The following AUTS2 variants were observed in gnomAD, a reference collection of about 807,000 sequenced individuals.
The protein encoded by AUTS2 is autism susceptibility gene 2 protein.
Under a neutral mutation model 112.4 loss-of-function variants are expected in AUTS2, and 17 were observed. The observed-to-expected ratio is 0.15, with a 90% CI of 0.10 to 0.23. The LOEUF (loss-of-function observed/expected upper bound fraction) is 0.23. Among genes scored for constraint, AUTS2 ranks in the 10% least tolerant of loss-of-function variants. The probability of loss-of-function intolerance (pLI) is 1.00; values close to 1 mark genes in which losing one functional copy is unlikely to be tolerated. For missense variants in AUTS2, 1,510 were observed against 1,701.6 expected (o/e 0.89, Z 1.98); for synonymous variants, 751 against 702.7 (o/e 1.07, Z -1.09).
chr7:70,094,248 T>C (rs1217434837), intron 2 of AUTS2, among the ~76,000 whole-genome samples: 1 of 152,232 alleles, frequency 6.6e-6, no homozygotes, highest in African/African-American at 2.4e-5. Context: ...TATTTGTGTA[T>C]GCGCCCTGCA....
intron 4 of AUTS2, among the ~76,000 whole-genome samples, chr7:70,268,985 AG>A (rs1464832060): frequency 2.0e-5 from 3 of 152,228 alleles, no homozygotes; most frequent in African/African-American, 7.2e-5. Flanking sequence ...TGAAAATGTT[AG>A]AATGAAAACC....
intron 4 of AUTS2, among the ~76,000 whole-genome samples, chr7:70,355,465 C>G (rs1791964450): frequency 6.6e-6 from 1 of 152,114 alleles, no homozygotes; most frequent in Admixed American, 6.5e-5. Flanking sequence ...CAAATGTCTT[C>G]CAGAGAGTGC....
intron 2 of AUTS2, among the ~76,000 whole-genome samples, chr7:70,103,241 A>G (rs1226384095): frequency 6.6e-6 from 1 of 152,110 alleles, no homozygotes; most frequent in African/African-American, 2.4e-5. Flanking sequence ...AATAATGCAC[A>G]CTCCAGAATA....
At chr7:69,617,622 T>C (rs2129086999) in intron 1 of AUTS2, among the ~76,000 whole-genome samples, 1 of 152,262 alleles carries the variant, frequency 6.6e-6, no homozygotes, top group South Asian at 2.1e-4. Flanking sequence ...TCCAAAGCCC[T>C]CATTTCCCAA....
chr7:69,860,232 A>G (rs1562933282), intron 1 of AUTS2, among the ~76,000 whole-genome samples: 1 of 151,880 alleles, frequency 6.6e-6, no homozygotes, highest in Non-Finnish European at 1.5e-5. Context: ...CCAAGGAGAG[A>G]CAGCTAGTGA....
In AUTS2 at chr7:70,710,767, A is replaced by G. The variant is rs146027289; in HGVS notation, c.742+12147A>G. Among the ~76,000 whole-genome samples, 16 of 152,314 alleles carry G rather than the reference A, an allele frequency of 1.1e-4. No individual in the cohort carries two copies. In the East Asian group the frequency reaches 3.1e-3, roughly 29 times the overall value. On this transcript the variant is annotated intron_variant, in intron 6 of 18. Transcript: ENST00000342771. ...CTCACTTTCTGAGATTGAGAACTGGAGAAAGGAGGAACGTCACAGACAAGA... is the reference window on the plus strand; with the variant it reads ...CTCACTTTCTGAGATTGAGAACTGGGGAAAGGAGGAACGTCACAGACAAGA...
intron 6 of AUTS2, among the ~76,000 whole-genome samples, chr7:70,751,783 C>T (rs532477052): frequency 1.9e-4 from 29 of 152,166 alleles, no homozygotes; most frequent in Non-Finnish European, 3.4e-4. Flanking sequence ...TGCAGTGGGA[C>T]GATCTCGGCT....
chr7:69,939,684 G>C lies in AUTS2; in HGVS notation c.522+40186G>C, dbSNP rs544827440. Among the ~76,000 whole-genome samples the C allele has an allele frequency of 7.2e-5, 11 of 152,322 alleles. No homozygotes were observed. In the East Asian group the frequency reaches 2.1e-3, roughly 29 times the overall value. On this transcript the variant is annotated intron_variant, in intron 2 of 18. Coordinates refer to ENST00000342771, the MANE Select transcript of AUTS2 (RefSeq NM_015570.4). The stretch of plus-strand genomic sequence containing the variant: ...CCTTTCACTCAATGGAGAGAGAAGA[G>C]AAACTTGTATAATCGTGGTTCCTAC...
At chr7:70,550,225 C>A (rs887340407) in intron 5 of AUTS2, among the ~76,000 whole-genome samples, 1 of 152,158 alleles carries the variant, frequency 6.6e-6, no homozygotes, top group Admixed American at 6.5e-5. Context: ...ATTGGCTGAG[C>A]AAGCCAAGAC....
At chr7:70,491,653 T>C (rs1435897126) in intron 5 of AUTS2, among the ~76,000 whole-genome samples, 1 of 149,016 alleles carries the variant, frequency 6.7e-6, no homozygotes, top group Non-Finnish European at 1.5e-5. Context: ...CTCACTCTGT[T>C]GTCCAGGCTA....
intron 5 of AUTS2, among the ~76,000 whole-genome samples, chr7:70,488,924 C>G (rs17568303): frequency 0.11 from 17,245 of 152,172 alleles, 1,368 homozygotes; most frequent in Non-Finnish European, 0.15. Flanking sequence ...ATCACATTCC[C>G]TAGTACACAG....
intron 5 of AUTS2, among the ~76,000 whole-genome samples, chr7:70,635,791 G>C (rs1239895215): frequency 6.6e-6 from 1 of 152,220 alleles, no homozygotes; most frequent in Non-Finnish European, 1.5e-5. Flanking sequence ...TGTGCATGCT[G>C]TTAGGTAACT....
intron 1 of AUTS2, among the ~76,000 whole-genome samples, chr7:69,634,021 C>G (rs1035195998): frequency 6.6e-6 from 1 of 152,130 alleles, no homozygotes; most frequent in Non-Finnish European, 1.5e-5. Flanking sequence ...ATTGCCAAGA[C>G]AAAGTCCAGG....
At chr7:69,997,760 C>T (rs997077318) in intron 2 of AUTS2, among the ~76,000 whole-genome samples, 1 of 152,174 alleles carries the variant, frequency 6.6e-6, no homozygotes, top group Non-Finnish European at 1.5e-5. Flanking sequence ...GGCCCACCCC[C>T]ATGGCCCAAA....
At chr7:70,286,089 A>G (rs1202893317) in intron 4 of AUTS2, among the ~76,000 whole-genome samples, 7 of 152,222 alleles carry the variant, frequency 4.6e-5, no homozygotes, top group African/African-American at 1.7e-4. Context: ...AAAGACTCTG[A>G]AACAGGAAAG....
chr7:69,613,240 C>T (rs1029124390), intron 1 of AUTS2, among the ~76,000 whole-genome samples: 7 of 152,150 alleles, frequency 4.6e-5, no homozygotes, highest in African/African-American at 1.7e-4. Context: ...TAGTAGACCA[C>T]ATTTGTTCAT....
intron 1 of AUTS2, among the ~76,000 whole-genome samples, chr7:69,737,790 C>T (rs965144066): frequency 3.3e-5 from 5 of 152,166 alleles, no homozygotes; most frequent in African/African-American, 1.2e-4. Flanking sequence ...TGAACCCAAA[C>T]AAGTCATTGA....
intron 4 of AUTS2, among the ~76,000 whole-genome samples, chr7:70,178,435 GT>G (rs1376163641): frequency 6.6e-6 from 1 of 152,086 alleles, no homozygotes; most frequent in Non-Finnish European, 1.5e-5. Flanking sequence ...ATGGAAAGCT[GT>G]TTTTGTTCCT....
chr7:69,682,262 A>G (rs1028560349), intron 1 of AUTS2, among the ~76,000 whole-genome samples: 1 of 152,244 alleles, frequency 6.6e-6, no homozygotes, highest in Admixed American at 6.5e-5. Flanking sequence ...ACAGTTAGAA[A>G]AACTGAACAG....
Sources: allele counts gnomAD v4.1 joint callset (sites outside exome capture counted in the v4.1 genomes callset), GRCh38; gene constraint gnomAD v4.1.1; transcripts MANE v1.5; gene names NCBI Gene and HGNC (gene_info 2026-07-23, HGNC 2026-07-21).